LMX1B: variants seen among roughly 807,000 people sequenced by gnomAD.
The protein encoded by LMX1B is LIM homeobox transcription factor 1 beta.
A neutral mutation model predicts 51.4 loss-of-function variants in LMX1B; 12 were observed. The ratio of observed to expected loss-of-function variants is 0.23; its 90% confidence interval spans 0.15 to 0.38. The LOEUF (loss-of-function observed/expected upper bound fraction) is 0.38, where lower values mean the gene tolerates loss of function less well. LMX1B is among the 10% of genes least tolerant of loss of function. LMX1B has a pLI of 1.00. For missense variants in LMX1B, 445 were observed against 571.1 expected (o/e 0.78, Z 2.25); for synonymous variants, 237 against 235.4 (o/e 1.01, Z -0.06).
chr9:126,675,560 A>G (rs953135571), intron 2 of LMX1B, among the ~76,000 whole-genome samples: 12 of 150,660 alleles, frequency 8.0e-5, no homozygotes, highest in African/African-American at 2.9e-4. Flanking sequence ...CCCCGTCTCT[A>G]TTAAAAGTAC....
rs956679089 is a variant in LMX1B, at chr9:126,685,408, A to T, written c.327-5428A>T. ...TTTGGGGTACTCTTGGACGTTCAGA[A>T]ATGAAGAGGTTTGTAATCTAACTTC... On this transcript the variant is annotated intron_variant, in intron 2 of 7. Coordinates refer to ENST00000373474, the MANE Select transcript of LMX1B (RefSeq NM_001174147.2). Among the ~76,000 whole-genome samples the T allele has an allele frequency of 5.3e-5, 8 of 152,168 alleles. No individual in the cohort carries two copies. The East Asian group carries it at 1.3e-3, about 26-fold the overall frequency.
intron 2 of LMX1B, among the ~76,000 whole-genome samples, chr9:126,668,990 C>T (rs895959221): frequency 1.3e-5 from 2 of 152,248 alleles, no homozygotes; most frequent in Non-Finnish European, 2.9e-5. Context: ...GAAACTGAGT[C>T]ATGGCCAGAC....
rs7867986 is a variant in LMX1B, at chr9:126,673,562, C to G, written c.327-17274C>G. Among the ~76,000 whole-genome samples the G allele has an allele frequency of 0.22, 33,906 of 151,982 alleles. 5,410 individuals are homozygous for G. The highest frequency in any genetic ancestry group is 0.45 in the African/African-American group (18,688 of 41,380). On this transcript the variant is annotated intron_variant, in intron 2 of 7. Transcript: ENST00000373474. This position sits in a 1 kb window ranked among gnomAD's most constrained non-coding sequence, Gnocchi z 4.4. ...AGATTTGGGGCCAAACATGAGGCCACGGGGTTTTTGAGGGGGTGGTTCCCC... is the reference window on the plus strand; with the variant it reads ...AGATTTGGGGCCAAACATGAGGCCAGGGGGTTTTTGAGGGGGTGGTTCCCC...
chr9:126,640,438 A>T (rs870956), intron 2 of LMX1B, among the ~76,000 whole-genome samples: 27,552 of 152,052 alleles, frequency 0.18, 3,311 homozygotes, highest in East Asian at 0.42. Context: ...AGTTTTTGTG[A>T]CCTGTATCTG....
chr9:126,642,167 T>TGCCTGCTGCTGCTACAACAGG (rs1262588555), intron 2 of LMX1B, among the ~76,000 whole-genome samples: 1 of 152,216 alleles, frequency 6.6e-6, no homozygotes, highest in Admixed American at 6.5e-5. Flanking sequence ...GCTCGCAGTC[T>TGCCTGCTGCTGCTACAACAGG]GCCTGCTGCT....
At chr9:126,621,650 C>T (rs1428474801) in intron 2 of LMX1B, among the ~76,000 whole-genome samples, 3 of 65,472 alleles carry the variant, frequency 4.6e-5, no homozygotes, top group African/African-American at 1.2e-4. Flanking sequence ...CTCTCTCTCT[C>T]TCTTCTTTTT....
intron 2 of LMX1B, among the ~76,000 whole-genome samples, chr9:126,642,536 A>T (rs987107762): frequency 3.3e-5 from 5 of 151,748 alleles, no homozygotes; most frequent in African/African-American, 1.2e-4. Context: ...CCGAAGAGCC[A>T]CCCCAGGTTG....
Position 126,619,357 on chromosome 9 carries a change from G to A in LMX1B, c.326+3788G>A, listed in dbSNP as rs562467276. ...GAGCAGTCAGGCTCCGGCCTTCTCT[G>A]GCTACTTCTTCTGCCAGCCTGGAAG... is the stretch of plus-strand genomic sequence containing the variant. On this transcript the variant is annotated intron_variant, in intron 2 of 7. Transcript: ENST00000373474. Among the ~76,000 whole-genome samples the A allele has an allele frequency of 7.9e-5, 12 of 152,284 alleles. No homozygotes were observed. The South Asian group carries it at 2.3e-3, about 29-fold the overall frequency.
At chr9:126,632,363 G>C (rs1588269617) in intron 2 of LMX1B, among the ~76,000 whole-genome samples, 1 of 152,238 alleles carries the variant, frequency 6.6e-6, no homozygotes, top group Middle Eastern at 3.4e-3. Flanking sequence ...AGGGGGCCCT[G>C]GCAGCAGGAA....
At chr9:126,684,185 C>T (rs1003046799) in intron 2 of LMX1B, among the ~76,000 whole-genome samples, 1 of 152,096 alleles carries the variant, frequency 6.6e-6, no homozygotes, top group African/African-American at 2.4e-5. Flanking sequence ...GCTGCTGGGA[C>T]CGTGGGCTTG....
intron 2 of LMX1B, among the ~76,000 whole-genome samples, chr9:126,680,557 C>G (rs3861876): frequency 1 from 152,315 of 152,316 alleles, 76,157 homozygotes; most frequent in Non-Finnish European, 1. Flanking sequence ...CCAGGAGCTG[C>G]TGACCTCAGT....
chr9:126,624,082 G>A (rs1835473253), intron 2 of LMX1B, among the ~76,000 whole-genome samples: 1 of 152,224 alleles, frequency 6.6e-6, no homozygotes, highest in Admixed American at 6.5e-5. Flanking sequence ...ACGCGCACAC[G>A]GTCCTGCCCT....
chr9:126,621,244 G>A (rs1402530823), intron 2 of LMX1B, among the ~76,000 whole-genome samples: 1 of 152,236 alleles, frequency 6.6e-6, no homozygotes, highest in African/African-American at 2.4e-5. Flanking sequence ...GGGAGGAAGG[G>A]AGGGATAGTC....
chr9:126,685,363 C>T (rs138738017), intron 2 of LMX1B, among the ~76,000 whole-genome samples: 304 of 152,220 alleles, frequency 2.0e-3, no homozygotes, highest in Middle Eastern at 0.01. Context: ...ACAGCGAGGT[C>T]TTTGGGCTTA....
chr9:126,693,755 C>A lies in LMX1B; in HGVS notation c.829C>A (p.Leu277Met). 1 of 1,550,106 alleles carries A rather than the reference C, an allele frequency of 6.5e-7. No individual in the cohort carries two copies. Among genetic ancestry groups the A allele is most frequent in the Non-Finnish European group, 8.7e-7 (1 of 1,147,618 alleles). The change falls in exon 6 of 8, where the codon CTG becomes ATG. Residue 277 changes from leucine (L) to methionine (M), a missense_variant. Coordinates refer to ENST00000373474, the MANE Select transcript of LMX1B (RefSeq NM_001174147.2). ...TGCGCTCTCCCTGCAGATGAAGAAGCTGGCGCGGCGGCACCAGCAGCAGCA... is the reference window on the plus strand; with the variant it reads ...TGCGCTCTCCCTGCAGATGAAGAAGATGGCGCGGCGGCACCAGCAGCAGCA... ...FQNQRAKMKK[L>M]ARRHQQQQEQ...
intron 2 of LMX1B, among the ~76,000 whole-genome samples, chr9:126,642,659 T>C (rs186380688): frequency 2.5e-3 from 383 of 152,368 alleles, no homozygotes; most frequent in African/African-American, 8.9e-3. Context: ...GGTGGGTCTC[T>C]ACTGCCATAA....
At chr9:126,627,667 G>C (rs1835561060) in intron 2 of LMX1B, among the ~76,000 whole-genome samples, 1 of 152,100 alleles carries the variant, frequency 6.6e-6, no homozygotes. Flanking sequence ...CTTCTGCGTG[G>C]CCTCCAGTGA....
At chr9:126,668,542 C>G (rs573552839) in intron 2 of LMX1B, among the ~76,000 whole-genome samples, 1 of 152,128 alleles carries the variant, frequency 6.6e-6, no homozygotes, top group South Asian at 2.1e-4. Flanking sequence ...AAACCTCTGT[C>G]TTCTGAGTTC....
intron 2 of LMX1B, among the ~76,000 whole-genome samples, chr9:126,664,807 G>A (rs1332285391): frequency 3.9e-5 from 6 of 152,278 alleles, no homozygotes; most frequent in Admixed American, 6.5e-5. Context: ...CCTGGGAGGC[G>A]GAGGTTGCAG....
Sources: gnomAD v4.1 joint callset for allele counts (sites outside exome capture counted in the v4.1 genomes callset) on GRCh38, gnomAD v4.1.1 for gene constraint, Gnocchi (gnomAD v3.1) non-coding constraint, MANE v1.5 for transcripts, NCBI Gene and HGNC (gene_info 2026-07-23, HGNC 2026-07-21) for gene names.